The following CCBE1 variants were observed in gnomAD, a reference collection of about 807,000 sequenced individuals.
The protein encoded by CCBE1 is collagen and calcium-binding EGF domain-containing protein 1.
In CCBE1, 37 loss-of-function variants were observed where a neutral mutation model predicts 50.0. That is an observed-to-expected ratio of 0.74 (90% CI 0.57 to 0.97). The LOEUF is 0.97. Ranked by LOEUF, CCBE1 falls within the 50% of genes least tolerant of loss-of-function variation. The pLI is 0.00. For synonymous variants in CCBE1, 234 were observed against 203.7 expected (o/e 1.15, Z -1.27); for missense variants, 538 against 523.8 (o/e 1.03, Z -0.26).
chr18:59,696,112 T>C (rs1301802463), intron 2 of CCBE1, among the ~76,000 whole-genome samples: 1 of 152,132 alleles, frequency 6.6e-6, no homozygotes, highest in Non-Finnish European at 1.5e-5. Context: ...TTAGAAAGAC[T>C]TTTTTCCTCT....
At chr18:59,694,905 T>TC (rs1214927897) in intron 2 of CCBE1, among the ~76,000 whole-genome samples, 2 of 152,212 alleles carry the variant, frequency 1.3e-5, no homozygotes, top group Non-Finnish European at 2.9e-5. Context: ...TTCTTTATTC[T>TC]CCTTGATATA....
chr18:59,438,688 T>C (rs1388952360), intron 9 of CCBE1, among the ~76,000 whole-genome samples: 5 of 152,236 alleles, frequency 3.3e-5, no homozygotes, highest in African/African-American at 1.2e-4. Context: ...TGTTTTTGTC[T>C]TTGGGGTTGG....
At chr18:59,693,177 G>C (rs2054759328) in intron 2 of CCBE1, among the ~76,000 whole-genome samples, 1 of 152,118 alleles carries the variant, frequency 6.6e-6, no homozygotes. Flanking sequence ...ATTGTTGCAG[G>C]AAGTCCCTTG....
chr18:59,517,869 G>A (rs1914440245), intron 2 of CCBE1, among the ~76,000 whole-genome samples: 1 of 152,176 alleles, frequency 6.6e-6, no homozygotes, highest in Non-Finnish European at 1.5e-5. Context: ...CAACAAACAT[G>A]GTCAAGGGGG....
At chr18:59,591,000 TTTGGGAGGCCGAGGCGGGTGGATCACGAG>T (rs1298213380) in intron 2 of CCBE1, among the ~76,000 whole-genome samples, 3 of 32,310 alleles carry the variant, frequency 9.3e-5, no homozygotes, top group African/African-American at 4.3e-4. Flanking sequence ...ATCCCAGCAC[TTTGGGAGGCCGAGGCGGGTGGATCACGAG>T]GTCAGGAGAT....
intron 2 of CCBE1, among the ~76,000 whole-genome samples, chr18:59,635,786 A>G (rs569714144): frequency 2.8e-4 from 42 of 152,320 alleles, no homozygotes; most frequent in African/African-American, 9.4e-4. Flanking sequence ...CAGCAGCTGC[A>G]TAGAAAAAGC....
chr18:59,445,392 T>A (rs985397597), intron 7 of CCBE1, among the ~76,000 whole-genome samples: 1 of 152,214 alleles, frequency 6.6e-6, no homozygotes, highest in Admixed American at 6.5e-5. Flanking sequence ...TACTAAGTGA[T>A]TGCATTGAAG....
At chr18:59,674,206 C>T (rs151197224) in intron 2 of CCBE1, among the ~76,000 whole-genome samples, 28 of 152,234 alleles carry the variant, frequency 1.8e-4, no homozygotes, top group African/African-American at 6.5e-4. Flanking sequence ...TTCACAATAG[C>T]AAAGACTTGG....
At chr18:59,486,950 T>C (rs1184050089) in intron 2 of CCBE1, among the ~76,000 whole-genome samples, 1 of 151,780 alleles carries the variant, frequency 6.6e-6, no homozygotes, top group Non-Finnish European at 1.5e-5. Flanking sequence ...ATAAAAAGCA[T>C]ATCCAAGAAA....
chr18:59,626,713 C>T (rs1055076856), intron 2 of CCBE1, among the ~76,000 whole-genome samples: 2 of 152,280 alleles, frequency 1.3e-5, no homozygotes, highest in Admixed American at 1.3e-4. Flanking sequence ...TTGTGGCCCT[C>T]TGACTCCAGA....
chr18:59,688,821 A>G lies in CCBE1; in HGVS notation c.212+7808T>C, dbSNP rs374423161. 5.9e-5 allele frequency among the ~76,000 whole-genome samples: 9 copies of G among 152,344 alleles called. No homozygotes were observed. The East Asian group carries it at 1.7e-3, about 29-fold the overall frequency. On this transcript the variant is annotated intron_variant, in intron 2 of 10. Coordinates refer to ENST00000439986, the MANE Select transcript of CCBE1 (RefSeq NM_133459.4). Reference sequence around the variant, plus strand: ...TTGGCCAAGAAATCCAAACACTGTAATATAAATAAGGTGATACACAGGTAA... The same window carrying G: ...TTGGCCAAGAAATCCAAACACTGTAGTATAAATAAGGTGATACACAGGTAA...
intron 2 of CCBE1, among the ~76,000 whole-genome samples, chr18:59,532,421 G>C (rs182908937): frequency 1.6e-3 from 243 of 152,218 alleles, no homozygotes; most frequent in Non-Finnish European, 2.6e-3. Context: ...GCATTAAACT[G>C]ACTCCTTCCA....
intron 2 of CCBE1, among the ~76,000 whole-genome samples, chr18:59,694,439 C>T (rs58331454): frequency 0.18 from 7,997 of 43,598 alleles, 694 homozygotes; most frequent in African/African-American, 0.36. Flanking sequence ...ACTGTTTGGT[C>T]AACTGAAAGG....
chr18:59,669,221 C>T (rs1251301306), intron 2 of CCBE1, among the ~76,000 whole-genome samples: 1 of 152,158 alleles, frequency 6.6e-6, no homozygotes, highest in Non-Finnish European at 1.5e-5. Flanking sequence ...CTCCGCCAGC[C>T]TTCCCCTCTA....
At chr18:59,436,560 A>G (rs577607414) in intron 10 of CCBE1, among the ~76,000 whole-genome samples, 1 of 152,284 alleles carries the variant, frequency 6.6e-6, no homozygotes, top group Admixed American at 6.5e-5. Flanking sequence ...CAGTTTCCCC[A>G]TCTGTAAAAC....
chr18:59,592,092 T>C (rs1419583360), intron 2 of CCBE1, among the ~76,000 whole-genome samples: 1 of 152,154 alleles, frequency 6.6e-6, no homozygotes, highest in African/African-American at 2.4e-5. Context: ...GGCATCATAA[T>C]GTGCACCTGT....
In CCBE1 at chr18:59,696,670, G is replaced by T. The variant is rs375674582; in HGVS notation, c.171C>A (p.Tyr57Ter). The T allele has an allele frequency of 2.5e-6, 4 of 1,614,088 alleles. No individual in the cohort carries two copies. The highest frequency in any genetic ancestry group is 3.4e-6 in the Non-Finnish European group (4 of 1,179,968). ...GCTCGCCTGAAGACTTCAGACACGGGTATTTAGTCGTCGCGATTTTGCTCT... is the reference window on the plus strand; with the variant it reads ...GCTCGCCTGAAGACTTCAGACACGGTTATTTAGTCGTCGCGATTTTGCTCT... ...CSESKIATTK[Y>*]PCLKSSGELT... The change falls in exon 2 of 11, where the codon TAC (tyrosine) becomes TAA (stop). Residue 57 changes from tyrosine to a stop codon, truncating the protein, a stop_gained. Transcript: ENST00000439986. LOFTEE classifies it high-confidence loss of function.
At chr18:59,611,064 C>A (rs371228796) in intron 2 of CCBE1, among the ~76,000 whole-genome samples, 2 of 152,372 alleles carry the variant, frequency 1.3e-5, no homozygotes, top group African/African-American at 2.4e-5. Flanking sequence ...AACCTGTCTG[C>A]AACAGCATGC....
intron 2 of CCBE1, among the ~76,000 whole-genome samples, chr18:59,676,827 C>T (rs1414813390): frequency 6.6e-6 from 1 of 152,144 alleles, no homozygotes; most frequent in Non-Finnish European, 1.5e-5. Context: ...TAATTAAATT[C>T]AGAAGGATTA....
Sources: allele counts gnomAD v4.1 joint callset (sites outside exome capture counted in the v4.1 genomes callset), GRCh38; gene constraint gnomAD v4.1.1; transcripts MANE v1.5; gene names NCBI Gene and HGNC (gene_info 2026-07-23, HGNC 2026-07-21).